RNF19B: variants seen among roughly 807,000 people sequenced by gnomAD.
RNF19B encodes the protein E3 ubiquitin-protein ligase RNF19B.
A neutral mutation model predicts 65.5 loss-of-function variants in RNF19B; 23 were observed. The ratio of observed to expected loss-of-function variants is 0.35; its 90% confidence interval spans 0.25 to 0.50. RNF19B has a LOEUF of 0.50. Ranked by LOEUF, RNF19B falls within the 20% of genes least tolerant of loss-of-function variation. The pLI, the probability that RNF19B is intolerant of heterozygous loss-of-function variation, is 0.98. For missense variants in RNF19B, 794 were observed against 980.0 expected (o/e 0.81, Z 2.53); for synonymous variants, 372 against 379.6 (o/e 0.98, Z 0.23).
At chr1:32,936,052 G>A (rs1226074862), downstream of RNF19B, among the ~76,000 whole-genome samples, 2 of 152,112 alleles carry the variant, frequency 1.3e-5, no homozygotes, top group African/African-American at 2.4e-5. Context: ...CCTGACCACT[G>A]AGAATTCTCT....
chr1:32,945,564 C>T lies in RNF19B; in HGVS notation c.1211G>A (p.Gly404Glu). The T allele has an allele frequency of 6.2e-7, 1 of 1,613,964 alleles. No homozygotes were observed. The highest frequency in any genetic ancestry group is 8.5e-7 in the Non-Finnish European group (1 of 1,179,866). ...GGATGCAATGACCGACAAAGTCACT[C>T]CTCCAGTGATAGCCAAATTCCTCTT... ...KHKRNLAITG[G>E]VTLSVIASPV... The change falls in exon 5 of 9, where the codon GGA becomes GAA. Residue 404 changes from glycine to glutamate, a missense_variant. Around this residue, in one of 3 missense-constraint regions of RNF19B, gnomAD observed 368 missense variants for 447.3 expected, o/e 0.82. Coordinates refer to ENST00000235150, the MANE Select transcript of RNF19B (RefSeq NM_001300826.2).
chr1:32,960,783 G>A (rs1642750917), intron 1 of RNF19B, among the ~76,000 whole-genome samples: 1 of 152,036 alleles, frequency 6.6e-6, no homozygotes, highest in African/African-American at 2.4e-5. Context: ...AACAGCTTGA[G>A]CCCAGGAGTT....
chr1:32,945,211 T>C (rs1642337153), intron 5 of RNF19B, among the ~76,000 whole-genome samples: 1 of 152,194 alleles, frequency 6.6e-6, no homozygotes, highest in Admixed American at 6.5e-5. Context: ...GTGGATTTCA[T>C]GGCAAGTAGA....
intron 1 of RNF19B, among the ~76,000 whole-genome samples, chr1:32,958,038 C>T (rs540678616): frequency 2.4e-4 from 36 of 152,294 alleles, no homozygotes; most frequent in Middle Eastern, 6.8e-3. Context: ...TATAGATATC[C>T]TAGTCTAGAG....
downstream of RNF19B, among the ~76,000 whole-genome samples, chr1:32,934,886 G>A (rs1326800070): frequency 1.3e-5 from 2 of 152,084 alleles, no homozygotes; most frequent in African/African-American, 4.8e-5. Context: ...AGGCTGGAGT[G>A]CAAAGGCGCG....
the RNF19B span, among the ~76,000 whole-genome samples, chr1:32,930,644 G>GCGACT: frequency 6.6e-6 from 1 of 152,262 alleles, no homozygotes; most frequent in South Asian, 2.1e-4. Flanking sequence ...CTGGCCTCAA[G>GCGACT]CAGTCCTCCC....
downstream of RNF19B, among the ~76,000 whole-genome samples, chr1:32,935,512 C>G (rs1642082698): frequency 6.6e-6 from 1 of 152,180 alleles, no homozygotes; most frequent in Non-Finnish European, 1.5e-5. Flanking sequence ...TTTGTAAGAT[C>G]AGATAAATAT....
At position 32,936,733 on chromosome 1, in the gene RNF19B, GAA is replaced by G. The variant is rs36040674; in HGVS notation, c.*71_*72del. 6.5e-3 allele frequency: 7,435 copies of G among 1,139,648 alleles called. No homozygotes were observed. The highest frequency in any genetic ancestry group is 0.016 in the South Asian group (668 of 43,012). The allele number at this position is 1,139,648 out of a possible 1,614,324, so 70.6% of individuals were successfully genotyped here. A position where few individuals can be genotyped will look rare whatever the true frequency, so the allele number is the denominator to read the frequency against. On this transcript the variant is annotated 3_prime_UTR_variant, in exon 9 of 9. Transcript: ENST00000235150. ...AAAATACATAAATCTCTACCCCTTG[GAA>G]AAAAAAAAAAAAAAATTCCAAAAGA...
intron 1 of RNF19B, among the ~76,000 whole-genome samples, chr1:32,957,425 T>C (rs193276855): frequency 1.2e-3 from 188 of 152,358 alleles, no homozygotes; most frequent in African/African-American, 4.3e-3. Flanking sequence ...TATCTATCTA[T>C]GTATCAATTA....
At chr1:32,936,031 G>A (rs146512563), downstream of RNF19B, among the ~76,000 whole-genome samples, 1,985 of 152,262 alleles carry the variant, frequency 0.013, 20 homozygotes, top group Middle Eastern at 0.037. Context: ...TTACAGGCGT[G>A]AGCCACCATG....
At position 32,942,132 on chromosome 1, in the gene RNF19B, C is replaced by T. The variant is rs1030672756; in HGVS notation, c.1610+120G>A. ...AAAGTAAAAACAAAACAAAACAAAA[C>T]CATTGACAATTAAATCAAAATAAGA... On this transcript the variant is annotated intron_variant, in intron 7 of 8. Transcript: ENST00000235150. The T allele has an allele frequency of 9.4e-6, 8 of 850,630 alleles. No homozygotes were observed. In the African/African-American group the frequency reaches 1.4e-4, roughly 15 times the overall value. 52.7% of individuals were successfully genotyped at this position (850,630 alleles called of 1,614,324 possible).
intron 1 of RNF19B, among the ~76,000 whole-genome samples, chr1:32,957,812 C>T (rs532918565): frequency 6.6e-5 from 10 of 152,082 alleles, no homozygotes; most frequent in East Asian, 1.9e-4. Context: ...CCAGCCTGGG[C>T]GACAAAGCGA....
downstream of RNF19B, among the ~76,000 whole-genome samples, chr1:32,931,774 T>C (rs1642031994): frequency 1.3e-5 from 2 of 152,220 alleles, no homozygotes; most frequent in South Asian, 2.1e-4. Flanking sequence ...CCCTCTAGTG[T>C]AGTCACCATC....
intron 1 of RNF19B, among the ~76,000 whole-genome samples, chr1:32,950,894 G>A (rs979944267): frequency 1.1e-4 from 16 of 145,526 alleles, no homozygotes. Context: ...AGGCTGGAGT[G>A]CAGTGGCGCG....
chr1:32,936,841 C>T lies in RNF19B; in HGVS notation c.2161G>A (p.Val721Ile), dbSNP rs939769352. The change falls in exon 9 of 9, where the codon GTC becomes ATC. Residue 721 changes from valine to isoleucine, a missense_variant. Coordinates refer to ENST00000235150, the MANE Select transcript of RNF19B (RefSeq NM_001300826.2). ...GCTTCTCCACCTTCTGGCTTCAAGA[C>T]AGTTTGTCCCTCGGCTAGGGCAGAG... ...NLSALAEGQT[V>I]LKPEGGEARV The T allele has an allele frequency of 2.1e-5, 33 of 1,587,570 alleles. No individual in the cohort carries two copies. The highest frequency in any genetic ancestry group is 2.5e-5 in the Non-Finnish European group (29 of 1,163,570).
At position 32,964,483 on chromosome 1, in the gene RNF19B, G is replaced by T. The variant is rs1642856246; in HGVS notation, c.203C>A (p.Ala68Asp). The change falls in exon 1 of 9, where the codon GCC (alanine) becomes GAC (aspartate). Residue 68 changes from alanine (A) to aspartate (D), a missense_variant. Ala to Asp is a moderately radical substitution (Grantham distance 126, BLOSUM62 -2). Around this residue, in one of 3 missense-constraint regions of RNF19B, gnomAD observed 374 missense variants for 423.8 expected, o/e 0.88. Transcript: ENST00000235150. This position sits in a 1 kb window ranked among gnomAD's most constrained non-coding sequence, Gnocchi z 6.5. ...PPAAQPPPAP[A>D]PAAAQGPPPE... ...CGGCGGGCCCTGGGCCGCGGCAGGG[G>T]CCGGGGCGGGCGGCGGCTGCGCAGC... 1.7e-5 allele frequency: 16 copies of T among 952,738 alleles called. No homozygotes were observed. Among genetic ancestry groups the T allele is most frequent in the Non-Finnish European group, 2.0e-5 (16 of 803,536 alleles). The allele number at this position is 952,738 out of a possible 1,614,324, so 59.0% of individuals were successfully genotyped here. A position where few individuals can be genotyped will look rare whatever the true frequency, so the allele number is the denominator to read the frequency against.
chr1:32,938,980 T>C (rs1403955471), intron 7 of RNF19B, among the ~76,000 whole-genome samples: 1 of 152,218 alleles, frequency 6.6e-6, no homozygotes, highest in East Asian at 1.9e-4. Flanking sequence ...GAAATCATAG[T>C]CACTCTGAAT....
chr1:32,946,010 C>G (rs974058864), intron 4 of RNF19B, among the ~76,000 whole-genome samples: 3 of 152,056 alleles, frequency 2.0e-5, no homozygotes, highest in Non-Finnish European at 4.4e-5. Flanking sequence ...ACTGTAGGCA[C>G]ATGCCACCAT....
Position 32,937,267 on chromosome 1 carries a change from G to A in RNF19B, c.1743-8C>T, listed in dbSNP as rs1642129782. On this transcript the variant is annotated splice_polypyrimidine_tract_variant and splice_region_variant and intron_variant, in intron 8 of 8. Transcript: ENST00000235150. ...TCCATATTGTTGCATTCTCTGTGGA[G>A]ACAAAATCCACTTTGCTGAGTCATG... The A allele has an allele frequency of 2.5e-6, 4 of 1,613,576 alleles. No individual in the cohort carries two copies. Among genetic ancestry groups the A allele is most frequent in the African/African-American group, 2.7e-5 (2 of 75,046 alleles).
Sources: allele counts gnomAD v4.1 joint callset (sites outside exome capture counted in the v4.1 genomes callset), GRCh38; gene constraint gnomAD v4.1.1; regional missense constraint gnomAD v4.1.1; non-coding constraint Gnocchi (gnomAD v3.1); transcripts MANE v1.5; gene names NCBI Gene and HGNC (gene_info 2026-07-23, HGNC 2026-07-21).